POLD3: variants seen among roughly 807,000 people sequenced by gnomAD.
POLD3 encodes DNA polymerase delta 3, accessory subunit.
Under a neutral mutation model 58.2 loss-of-function variants are expected in POLD3, and 19 were observed. That is an observed-to-expected ratio of 0.33 (90% confidence interval 0.23 to 0.48). The LOEUF (loss-of-function observed/expected upper bound fraction) is 0.48. Ranked by LOEUF, POLD3 falls within the 20% of genes least tolerant of loss-of-function variation. The probability of loss-of-function intolerance (pLI) is 0.99; values close to 1 mark genes in which losing one functional copy is unlikely to be tolerated. For missense variants in POLD3, 504 were observed against 545.5 expected (o/e 0.92, Z 0.76); for synonymous variants, 172 against 193.5 (o/e 0.89, Z 0.92).
Position 74,642,688 on chromosome 11 carries a change from C to T in POLD3, c.*1922C>T. ...TCTTTTTATACAATACCATGTTAAC[C>T]ACATGAGTTAAATAAATTTGAGAAG... On this transcript the variant is annotated 3_prime_UTR_variant, in exon 12 of 12. Transcript: ENST00000263681. 1 of 983,430 alleles carries T rather than the reference C, an allele frequency of 1.0e-6. No homozygotes were observed. The highest frequency in any genetic ancestry group is 1.2e-6 in the Non-Finnish European group (1 of 828,328). The allele number at this position is 983,430 out of a possible 1,614,324, so 60.9% of individuals were successfully genotyped here. A position where few individuals can be genotyped will look rare whatever the true frequency, so the allele number is the denominator to read the frequency against.
intron 4 of POLD3, among the ~76,000 whole-genome samples, chr11:74,654,790 A>C (rs2033112648): frequency 6.6e-6 from 1 of 152,176 alleles, no homozygotes; most frequent in East Asian, 1.9e-4. Context: ...GAAAAACTGC[A>C]TGCCCGGGGT....
intron 5 of POLD3, among the ~76,000 whole-genome samples, chr11:74,613,792 T>G (rs777809713): frequency 6.6e-6 from 1 of 152,194 alleles, no homozygotes; most frequent in African/African-American, 2.4e-5. Context: ...TACCTTTTCA[T>G]GTAACTGATG....
intron 3 of POLD3, among the ~76,000 whole-genome samples, chr11:74,607,701 C>A (rs1018175463): frequency 6.6e-5 from 10 of 151,866 alleles, no homozygotes; most frequent in African/African-American, 2.4e-4. Context: ...CCTGCCTCAA[C>A]CCCCCAAGTA....
chr11:74,602,031 T>C (rs1402502756), intron 2 of POLD3, among the ~76,000 whole-genome samples: 1 of 152,188 alleles, frequency 6.6e-6, no homozygotes, highest in Non-Finnish European at 1.5e-5. Flanking sequence ...AAGAAGGGTC[T>C]TACCTGTCAT....
At chr11:74,620,171 G>T in intron 7 of POLD3, 82 bp downstream of exon 7, 1 of 1,106,268 alleles carries the variant, frequency 9.0e-7, no homozygotes, top group Admixed American at 1.7e-5. Context: ...AAGCCACTTT[G>T]TCTAGTTTTT....
intron 4 of POLD3, among the ~76,000 whole-genome samples, chr11:74,658,302 A>C (rs10793098): frequency 6.6e-6 from 1 of 151,918 alleles, no homozygotes; most frequent in African/African-American, 2.4e-5. Context: ...CCATGATTCA[A>C]TTACCTCCCC....
At chr11:74,619,892 T>A in intron 6 of POLD3, 125 bp from the exon 7 acceptor site, 1 of 702,078 alleles carries the variant, frequency 1.4e-6, no homozygotes, top group Non-Finnish European at 2.5e-6. Context: ...CCTACGCGTT[T>A]TGGCATGATT....
chr11:74,599,956 A>ATTT (rs11310017), intron 2 of POLD3, among the ~76,000 whole-genome samples: 2 of 144,726 alleles, frequency 1.4e-5, no homozygotes, highest in East Asian at 2.0e-4. Context: ...TATTATTATT[A>ATTT]TTTTTTTTTT....
chr11:74,634,584 C>G lies in POLD3; in HGVS notation c.1008C>G (p.Val336=). The G allele has an allele frequency of 1.9e-6, 3 of 1,564,508 alleles. No homozygotes were observed. In the South Asian group the frequency reaches 3.3e-5, roughly 17 times the overall value. The change falls in exon 10 of 12, where the codon GTC becomes GTG. Residue 336 remains valine, a splice_region_variant and synonymous_variant. Coordinates refer to ENST00000263681, the MANE Select transcript of POLD3 (RefSeq NM_006591.3). ...LPESDSSEDE[V]FPDSPGAYEA... is the part of the protein sequence containing the mutation. Reference sequence around the variant, plus strand: ...TCTAAGTCCGTTTCATTATTTCAGTCTTTCCAGACTCTCCTGGGGCTTATG... The same window carrying G: ...TCTAAGTCCGTTTCATTATTTCAGTGTTTCCAGACTCTCCTGGGGCTTATG...
At chr11:74,606,151 C>T (rs994917920) in intron 3 of POLD3, among the ~76,000 whole-genome samples, 4 of 152,172 alleles carry the variant, frequency 2.6e-5, no homozygotes, top group African/African-American at 9.7e-5. Flanking sequence ...ACTCTCTAGC[C>T]AACATATTCT....
chr11:74,647,010 A>T (rs867182736), downstream of POLD3, among the ~76,000 whole-genome samples: 2 of 152,216 alleles, frequency 1.3e-5, no homozygotes, highest in Non-Finnish European at 2.9e-5. Flanking sequence ...TCAGATCATC[A>T]GGCATTAGTT....
At position 74,641,609 on chromosome 11, in the gene POLD3, C is replaced by T. The variant is rs2032916064; in HGVS notation, c.*843C>T. 4 of 985,304 alleles carry T rather than the reference C, an allele frequency of 4.1e-6. No homozygotes were observed. The highest frequency in any genetic ancestry group is 4.8e-6 in the Non-Finnish European group (4 of 829,854). The allele number at this position is 985,304 out of a possible 1,614,324, so 61.0% of individuals were successfully genotyped here. A position where few individuals can be genotyped will look rare whatever the true frequency, so the allele number is the denominator to read the frequency against. On this transcript the variant is annotated 3_prime_UTR_variant, in exon 12 of 12. Coordinates refer to ENST00000263681, the MANE Select transcript of POLD3 (RefSeq NM_006591.3). ...ATCCCCTCCTCCCCCACTCTCAATA[C>T]CTAGAGAGTGAAACCCGTACAATGA... is the stretch of plus-strand genomic sequence containing the variant.
intron 5 of POLD3, among the ~76,000 whole-genome samples, chr11:74,616,877 A>G (rs2032095921): frequency 6.6e-6 from 1 of 152,112 alleles, no homozygotes; most frequent in South Asian, 2.1e-4. Context: ...CATAGTTTAG[A>G]AATCTCCCAC....
chr11:74,638,645 G>T (rs1294910266), intron 11 of POLD3: 6 of 455,960 alleles, frequency 1.3e-5, no homozygotes, highest in Middle Eastern at 3.2e-4. Context: ...TGAGATGGAG[G>T]TGGTGTTCTG....
At position 74,618,662 on chromosome 11, in the gene POLD3, C is replaced by T; in HGVS notation, c.518C>T (p.Thr173Ile). The T allele has an allele frequency of 6.2e-7, 1 of 1,614,156 alleles. No homozygotes were observed. Among genetic ancestry groups the T allele is most frequent in the Non-Finnish European group, 8.5e-7 (1 of 1,180,014 alleles). Residue 173 changes from threonine (T) to isoleucine (I), a missense_variant, in exon 6 of 12, where the codon ACC (threonine) becomes ATC (isoleucine). Thr to Ile is a moderately conservative substitution (Grantham distance 89). Coordinates refer to ENST00000263681, the MANE Select transcript of POLD3 (RefSeq NM_006591.3). ...SSETQANNELTTNGHGPPASK... is the reference protein window; with the variant it reads ...SSETQANNELITNGHGPPASK... Reference sequence around the variant, plus strand: ...GAGACACAAGCCAACAATGAGCTGACCACCAATGGTCATGGCCCACCTGCA... The same window carrying T: ...GAGACACAAGCCAACAATGAGCTGATCACCAATGGTCATGGCCCACCTGCA...
At chr11:74,646,949 T>C (rs1024078500), downstream of POLD3, among the ~76,000 whole-genome samples, 5 of 152,298 alleles carry the variant, frequency 3.3e-5, no homozygotes, top group Middle Eastern at 6.8e-3. Flanking sequence ...TGGAAGACAA[T>C]TTTTCCATGG....
intron 5 of POLD3, among the ~76,000 whole-genome samples, chr11:74,614,917 T>C (rs2032037216): frequency 6.6e-6 from 1 of 151,864 alleles, no homozygotes. Context: ...AGATGTTGAG[T>C]TTGAGAAGCT....
chr11:74,649,559 G>A (rs549076771), intron 4 of POLD3, among the ~76,000 whole-genome samples: 1 of 152,296 alleles, frequency 6.6e-6, no homozygotes, highest in African/African-American at 2.4e-5. Context: ...AAGTTTTGCT[G>A]TGAACTCCAA....
At chr11:74,650,066 C>T (rs1174442165) in intron 4 of POLD3, among the ~76,000 whole-genome samples, 2 of 152,126 alleles carry the variant, frequency 1.3e-5, no homozygotes, top group Non-Finnish European at 2.9e-5. Context: ...GTATCTACCT[C>T]AAGGTTATTG....
Sources: gnomAD v4.1 joint callset for allele counts (sites outside exome capture counted in the v4.1 genomes callset) on GRCh38, gnomAD v4.1.1 for gene constraint, MANE v1.5 for transcripts, NCBI Gene and HGNC (gene_info 2026-07-23, HGNC 2026-07-21) for gene names.